The following GNG2 variants were observed in gnomAD, a reference collection of about 807,000 sequenced individuals.
GNG2 encodes guanine nucleotide-binding protein G(I)/G(S)/G(O) subunit gamma-2.
A neutral mutation model predicts 5.5 loss-of-function variants in GNG2; 5 were observed. That is an observed-to-expected ratio of 0.91 (90% CI 0.48 to 1.92). GNG2 has a LOEUF of 1.92. Among genes scored for constraint, GNG2 ranks in the 30% most tolerant of loss-of-function variants. The pLI is 0.01. For synonymous variants in GNG2, 28 were observed against 32.0 expected, an observed-to-expected ratio of 0.88 and a Z score of 0.42; for missense variants, 55 against 88.4, an observed-to-expected ratio of 0.62 and a Z score of 1.52.
intron 3 of GNG2, among the ~76,000 whole-genome samples, chr14:51,955,528 T>C (rs1319457287): frequency 2.0e-5 from 3 of 152,232 alleles, no homozygotes; most frequent in Non-Finnish European, 4.4e-5. Context: ...AAGCATTTTG[T>C]AAAAGCTTTT....
chr14:51,847,875 CTTTTTCTTTTTTTTTTT>C (rs1881700693), intron 2 of GNG2, among the ~76,000 whole-genome samples: 2 of 66,148 alleles, frequency 3.0e-5, no homozygotes, highest in Admixed American at 4.8e-4. Flanking sequence ...AATACAGGTC[CTTTTTCTTTTTTTTTTT>C]TTTTTTTTTT....
intron 2 of GNG2, among the ~76,000 whole-genome samples, chr14:51,899,110 C>T (rs968432951): frequency 6.6e-6 from 1 of 152,160 alleles, no homozygotes; most frequent in South Asian, 2.1e-4. Flanking sequence ...TCCCTTTTAA[C>T]ACCACCCTGT....
Position 51,907,892 on chromosome 14 carries a change from T to C in GNG2, c.-30+30235T>C, listed in dbSNP as rs572237713. On this transcript the variant is annotated intron_variant, in intron 2 of 3. Transcript: ENST00000556766. ...AGACAGAACCAATGTGAGACTAGGC[T>C]TAGAGTATAAAGTTAATATGTGCAG... Among the ~76,000 whole-genome samples the C allele has an allele frequency of 2.6e-5, 4 of 152,356 alleles. No individual in the cohort carries two copies. The South Asian group carries it at 8.3e-4, about 32-fold the overall frequency.
At chr14:51,930,689 G>C (rs1484727195) in intron 2 of GNG2, among the ~76,000 whole-genome samples, 1 of 152,198 alleles carries the variant, frequency 6.6e-6, no homozygotes, top group Non-Finnish European at 1.5e-5. Context: ...CATGAGTGGG[G>C]GTGATTTATA....
chr14:51,835,372 A>G (rs1171052418), intron 2 of GNG2, among the ~76,000 whole-genome samples: 1 of 152,194 alleles, frequency 6.6e-6, no homozygotes, highest in Non-Finnish European at 1.5e-5. Context: ...ATTACTATTT[A>G]TGTTCAGACC....
At chr14:51,832,851 A>T (rs1373850172) in intron 2 of GNG2, among the ~76,000 whole-genome samples, 1 of 152,218 alleles carries the variant, frequency 6.6e-6, no homozygotes, top group Non-Finnish European at 1.5e-5. Context: ...TATACAAATT[A>T]AGGGGTTTTA....
intron 2 of GNG2, among the ~76,000 whole-genome samples, chr14:51,891,233 G>C (rs1189736684): frequency 6.6e-6 from 1 of 152,156 alleles, no homozygotes; most frequent in Non-Finnish European, 1.5e-5. Context: ...CTACTTTAAG[G>C]CAAATAGAAG....
At chr14:51,866,890 A>T (rs114954462) in intron 1 of GNG2, among the ~76,000 whole-genome samples, 2,410 of 152,268 alleles carry the variant, frequency 0.016, 46 homozygotes, top group African/African-American at 0.048. Flanking sequence ...TCCTAAGTCA[A>T]ATTAACATCA....
intron 2 of GNG2, among the ~76,000 whole-genome samples, chr14:51,912,781 A>T (rs1886370017): frequency 6.6e-6 from 1 of 151,776 alleles, no homozygotes; most frequent in African/African-American, 2.4e-5. Context: ...GGCAGTCCTT[A>T]TAAAAACCTT....
intron 2 of GNG2, among the ~76,000 whole-genome samples, chr14:51,922,585 C>G (rs61971478): frequency 0.02 from 3,088 of 152,262 alleles, 43 homozygotes; most frequent in Non-Finnish European, 0.031. Context: ...TAGAGTTCAA[C>G]CTCTCTGACA....
intron 2 of GNG2, among the ~76,000 whole-genome samples, chr14:51,928,782 C>G (rs1304323939): frequency 1.3e-5 from 2 of 152,172 alleles, no homozygotes; most frequent in African/African-American, 2.4e-5. Context: ...GGTATTCTTT[C>G]TTTACCTTGG....
At chr14:51,885,007 C>T (rs1248933768) in intron 2 of GNG2, among the ~76,000 whole-genome samples, 1 of 152,114 alleles carries the variant, frequency 6.6e-6, no homozygotes, top group Non-Finnish European at 1.5e-5. Context: ...TGGACAGAAT[C>T]AGGTCCAATG....
chr14:51,888,355 G>A (rs1219871148), intron 2 of GNG2, among the ~76,000 whole-genome samples: 1 of 152,082 alleles, frequency 6.6e-6, no homozygotes, highest in Non-Finnish European at 1.5e-5. Flanking sequence ...GACTTCCTTT[G>A]TCACCCAGGC....
chr14:51,841,291 A>T (rs1339765198), intron 2 of GNG2, among the ~76,000 whole-genome samples: 2 of 152,206 alleles, frequency 1.3e-5, no homozygotes, highest in Admixed American at 1.3e-4. Context: ...AGACTGACTG[A>T]GTTAGAATCT....
chr14:51,903,163 A>T (rs1885675920), intron 2 of GNG2, among the ~76,000 whole-genome samples: 1 of 152,242 alleles, frequency 6.6e-6, no homozygotes, highest in Admixed American at 6.5e-5. Context: ...CCAATAGTTC[A>T]GTGAAATATA....
At chr14:51,879,204 G>A (rs1362112312) in intron 2 of GNG2, among the ~76,000 whole-genome samples, 1 of 152,226 alleles carries the variant, frequency 6.6e-6, no homozygotes, top group African/African-American at 2.4e-5. Flanking sequence ...GTTATGCTCA[G>A]TAGTTCCTTA....
At chr14:51,966,236 A>AG (rs71121674) in intron 3 of GNG2, among the ~76,000 whole-genome samples, 1 of 149,010 alleles carries the variant, frequency 6.7e-6, no homozygotes, top group African/African-American at 2.5e-5. Context: ...AAAAAAAAAA[A>AG]ACAAATGAAG....
At chr14:51,895,773 G>A (rs956111128) in intron 2 of GNG2, among the ~76,000 whole-genome samples, 1 of 152,214 alleles carries the variant, frequency 6.6e-6, no homozygotes, top group Non-Finnish European at 1.5e-5. Flanking sequence ...GTTGTGGGAG[G>A]GACCCAGTGG....
chr14:51,841,591 C>A (rs1457894590), intron 2 of GNG2: 1 of 699,100 alleles, frequency 1.4e-6, no homozygotes, highest in Non-Finnish European at 2.6e-6. Context: ...GCTTTGAAGT[C>A]CACAGTAATA....
Sources: gnomAD v4.1 joint callset for allele counts (sites outside exome capture counted in the v4.1 genomes callset) on GRCh38, gnomAD v4.1.1 for gene constraint, MANE v1.5 for transcripts, NCBI Gene and HGNC (gene_info 2026-07-23, HGNC 2026-07-21) for gene names.